GPHN: variants seen among roughly 807,000 people sequenced by gnomAD.
GPHN encodes gephyrin.
A neutral mutation model predicts 95.5 loss-of-function variants in GPHN; 17 were observed. That is an observed-to-expected ratio of 0.18 (90% confidence interval 0.12 to 0.27). The LOEUF (loss-of-function observed/expected upper bound fraction) is 0.27. Ranked by LOEUF, GPHN falls within the 10% of genes least tolerant of loss-of-function variation. The probability of loss-of-function intolerance (pLI) is 1.00; values close to 1 mark genes in which losing one functional copy is unlikely to be tolerated. For missense variants in GPHN, 660 were observed against 978.1 expected (o/e 0.67, Z 4.34); for synonymous variants, 320 against 322.5 (o/e 0.99, Z 0.08).
the GPHN span, chr14:67,392,235 A>G: frequency 1.1e-6 from 1 of 875,688 alleles, no homozygotes; most frequent in Non-Finnish European, 1.9e-6. Flanking sequence ...GCCCTCCAGC[A>G]GCCTCAGCCC....
At chr14:66,901,827 G>A (rs1186663664) in intron 5 of GPHN, among the ~76,000 whole-genome samples, 1 of 151,840 alleles carries the variant, frequency 6.6e-6, no homozygotes, top group Non-Finnish European at 1.5e-5. Flanking sequence ...CTCCAGCTTT[G>A]ATTTTTTTGC....
chr14:67,513,425 T>G, the GPHN span, among the ~76,000 whole-genome samples: 1 of 152,196 alleles, frequency 6.6e-6, no homozygotes, highest in Non-Finnish European at 1.5e-5. Context: ...GGACTCAGTT[T>G]TCTCCTGCTA....
chr14:67,726,910 C>T, the GPHN span: 50 of 1,395,702 alleles, frequency 3.6e-5, no homozygotes, highest in Non-Finnish European at 4.8e-5. Context: ...CACTGAAGTC[C>T]TCTTGGCTCC....
chr14:66,550,586 GA>G lies in GPHN; in HGVS notation c.64+41998del, dbSNP rs563143617. 2.2e-4 allele frequency among the ~76,000 whole-genome samples: 34 copies of G among 152,348 alleles called. No individual in the cohort carries two copies. The East Asian group carries it at 4.2e-3, about 19-fold the overall frequency. ...GTTTGAGAGGATTGACAGCAATTTT[GA>G]AAGAAGTTCTTCTGTCAGTAAAATT... On this transcript the variant is annotated intron_variant, in intron 1 of 22. Coordinates refer to ENST00000478722, the MANE Select transcript of GPHN (RefSeq NM_020806.5).
chr14:66,554,488 G>T (rs984166919), intron 1 of GPHN, among the ~76,000 whole-genome samples: 1 of 152,172 alleles, frequency 6.6e-6, no homozygotes, highest in African/African-American at 2.4e-5. Context: ...CAAAGGGGTA[G>T]CAAGGACCTT....
chr14:67,446,478 T>C, the GPHN span, among the ~76,000 whole-genome samples: 4 of 151,746 alleles, frequency 2.6e-5, no homozygotes, highest in Admixed American at 2.6e-4. Flanking sequence ...AGAAACAGAG[T>C]GATGAGGTGC....
At chr14:66,913,006 G>T (rs926015990) in intron 5 of GPHN, among the ~76,000 whole-genome samples, 10 of 152,260 alleles carry the variant, frequency 6.6e-5, no homozygotes, top group African/African-American at 2.2e-4. Flanking sequence ...TTAAGATACA[G>T]ATTACTGGAC....
At chr14:67,547,961 C>T in the GPHN span, among the ~76,000 whole-genome samples, 1 of 152,170 alleles carries the variant, frequency 6.6e-6, no homozygotes, top group Non-Finnish European at 1.5e-5. Flanking sequence ...TTGCCATGGT[C>T]ACCCAGCCTG....
chr14:66,793,413 CAA>C (rs908867850), intron 3 of GPHN, among the ~76,000 whole-genome samples: 4 of 151,918 alleles, frequency 2.6e-5, no homozygotes, highest in Non-Finnish European at 5.9e-5. Context: ...TCCACAGGAA[CAA>C]AATAATAAAA....
chr14:67,523,299 G>A, the GPHN span, among the ~76,000 whole-genome samples: 1 of 150,788 alleles, frequency 6.6e-6, no homozygotes, highest in Non-Finnish European at 1.5e-5. Context: ...ACTCCACCTG[G>A]GTTACAGAGT....
At chr14:66,955,373 T>C (rs1029247308) in intron 8 of GPHN, among the ~76,000 whole-genome samples, 1 of 152,186 alleles carries the variant, frequency 6.6e-6, no homozygotes, top group African/African-American at 2.4e-5. Context: ...ATCTAGGTCA[T>C]GCAACTTGTT....
chr14:66,786,481 A>C (rs1256752538), intron 3 of GPHN, among the ~76,000 whole-genome samples: 4 of 152,058 alleles, frequency 2.6e-5, no homozygotes, highest in Non-Finnish European at 5.9e-5. Flanking sequence ...AATTATCATC[A>C]GTTTTAGTCA....
intron 1 of GPHN, among the ~76,000 whole-genome samples, chr14:66,601,810 T>C (rs1001282974): frequency 2.0e-5 from 3 of 151,916 alleles, no homozygotes; most frequent in Non-Finnish European, 4.4e-5. Flanking sequence ...ACAAAGATTT[T>C]CCCCCATATA....
the GPHN span, chr14:67,199,187 C>G: frequency 6.2e-7 from 1 of 1,605,466 alleles, no homozygotes; most frequent in Non-Finnish European, 8.5e-7. Flanking sequence ...TAGTCAACAC[C>G]CACATGCCAA....
the GPHN span, chr14:67,695,691 T>G: frequency 1.5e-5 from 25 of 1,614,040 alleles, no homozygotes; most frequent in Admixed American, 3.3e-5. Flanking sequence ...AGCGGGAACA[T>G]GAGCTCAACC....
the GPHN span, among the ~76,000 whole-genome samples, chr14:67,431,635 T>A: frequency 1.3e-5 from 2 of 152,070 alleles, no homozygotes; most frequent in African/African-American, 2.4e-5. Context: ...CAGGCTGCAG[T>A]GAGCTGAGAT....
chr14:67,388,364 C>A, the GPHN span: 1 of 957,334 alleles, frequency 1.0e-6, no homozygotes, highest in South Asian at 1.3e-5. Flanking sequence ...GAGTTGCACT[C>A]CCCTTACAAC....
At chr14:67,332,767 C>T in the GPHN span, 12 of 1,597,302 alleles carry the variant, frequency 7.5e-6, no homozygotes, top group Non-Finnish European at 1.0e-5. Context: ...CAGTTTTTAT[C>T]TTCTGTTTGC....
At chr14:67,223,129 A>G in the GPHN span, among the ~76,000 whole-genome samples, 3 of 151,752 alleles carry the variant, frequency 2.0e-5, no homozygotes, top group Admixed American at 6.6e-5. Context: ...CCTCCCAAGT[A>G]GCTGGGATTA....
Sources: gnomAD v4.1 joint callset for allele counts (sites outside exome capture counted in the v4.1 genomes callset) on GRCh38, gnomAD v4.1.1 for gene constraint, MANE v1.5 for transcripts, NCBI Gene and HGNC (gene_info 2026-07-23, HGNC 2026-07-21) for gene names.